The following RPS6KA5 variants were observed in gnomAD, a reference collection of about 807,000 sequenced individuals.
The protein encoded by RPS6KA5 is ribosomal protein S6 kinase alpha-5.
A neutral mutation model predicts 85.5 loss-of-function variants in RPS6KA5; 27 were observed. The ratio of observed to expected loss-of-function variants is 0.32; its 90% CI spans 0.23 to 0.44. The LOEUF (loss-of-function observed/expected upper bound fraction) is 0.44. Ranked by LOEUF, RPS6KA5 falls within the 20% of genes least tolerant of loss-of-function variation. The pLI, the probability that RPS6KA5 is intolerant of heterozygous loss-of-function variation, is 1.00. For synonymous variants in RPS6KA5, 334 were observed against 348.2 expected (o/e 0.96, Z 0.46); for missense variants, 811 against 980.9 (o/e 0.83, Z 2.31).
chr14:91,041,698 G>A (rs1162659765), intron 1 of RPS6KA5, among the ~76,000 whole-genome samples: 7 of 151,944 alleles, frequency 4.6e-5, no homozygotes, highest in East Asian at 3.8e-4. Context: ...GCCTCAAACC[G>A]TGTCTCTGGA....
intron 1 of RPS6KA5, among the ~76,000 whole-genome samples, chr14:91,016,633 C>A (rs2041508990): frequency 6.6e-6 from 1 of 151,930 alleles, no homozygotes; most frequent in African/African-American, 2.4e-5. Context: ...AGGCAGACTC[C>A]CTCGATAAAG....
chr14:90,929,636 C>T (rs761657505), intron 5 of RPS6KA5, among the ~76,000 whole-genome samples: 131 of 152,234 alleles, frequency 8.6e-4, no homozygotes, highest in Middle Eastern at 3.4e-3. Context: ...TGAACATTCA[C>T]TGATGCAAAT....
Position 90,906,168 on chromosome 14 carries a change from T to G in RPS6KA5, c.938A>C (p.Lys313Thr), listed in dbSNP as rs1360775608. Residue 313 changes from lysine (K) to threonine (T), a missense_variant, in exon 8 of 17, where the codon AAA becomes ACA. Physicochemically the swap from Lys to Thr is moderately conservative, Grantham distance 78 (BLOSUM62 -1). Coordinates refer to ENST00000614987, the MANE Select transcript of RPS6KA5 (RefSeq NM_004755.4). ...GCGPRDADEI[K>T]EHLFFQKINW... ...TTTCACCTGAAAGAAGAGATGTTCT[T>G]TGATTTCATCTGCATCACGTGGACC... 26 of 1,604,450 alleles carry G rather than the reference T, an allele frequency of 1.6e-5. No homozygotes were observed. The highest frequency in any genetic ancestry group is 2.0e-5 in the Non-Finnish European group (24 of 1,173,070).
chr14:90,873,726 T>A lies in RPS6KA5; in HGVS notation c.2066A>T (p.Asp689Val). The change falls in exon 16 of 17, where the codon GAT becomes GTT. Residue 689 changes from aspartate to valine, a missense_variant. Coordinates refer to ENST00000614987, the MANE Select transcript of RPS6KA5 (RefSeq NM_004755.4). ...SGLRYNEWLQ[D>V]GSQLSSNPLM... is the part of the protein sequence containing the mutation. ...AGGATTGGAGGACAGCTGACTTCCA[T>A]CTTGTAGCCATTCATTGTACCTCAA... 6.2e-7 allele frequency: 1 copy of A among 1,614,072 alleles called. No homozygotes were observed. Among genetic ancestry groups the A allele is most frequent in the Non-Finnish European group, 8.5e-7 (1 of 1,179,940 alleles).
At chr14:90,983,819 C>CTCTCTG (rs2081966322) in intron 2 of RPS6KA5, among the ~76,000 whole-genome samples, 4 of 118,766 alleles carry the variant, frequency 3.4e-5, no homozygotes, top group Non-Finnish European at 6.9e-5. Flanking sequence ...CTCTCTCTGT[C>CTCTCTG]TCTCTCTCTC....
Position 90,850,463 on chromosome 14 carries a change from C to A in RPS6KA5, c.*21611G>T, listed in dbSNP as rs1338370420. The A allele has an allele frequency of 3.2e-4, 41 of 128,986 alleles. No individual in the cohort carries two copies. The highest frequency in any genetic ancestry group is 1.7e-3 in the East Asian group (7 of 4,238). 8.0% of individuals were successfully genotyped at this position (128,986 alleles called of 1,614,324 possible). A position where few individuals can be genotyped will look rare whatever the true frequency, so the allele number is the denominator to read the frequency against. On this transcript the variant is annotated 3_prime_UTR_variant, in exon 17 of 17. Coordinates refer to ENST00000614987, the MANE Select transcript of RPS6KA5 (RefSeq NM_004755.4). ...AACCTAATCAATGTGGGAAACCATACAAAAAAAAAAAAAAAAAACAGAAAA... is the reference window on the plus strand; with the variant it reads ...AACCTAATCAATGTGGGAAACCATAAAAAAAAAAAAAAAAAAAACAGAAAA...
chr14:90,932,669 G>C (rs938328172), intron 5 of RPS6KA5, among the ~76,000 whole-genome samples: 1 of 152,160 alleles, frequency 6.6e-6, no homozygotes, highest in African/African-American at 2.4e-5. Context: ...TGTGTGCCTA[G>C]TAACTCAACT....
At chr14:90,911,901 G>T (rs1001917053) in intron 7 of RPS6KA5, among the ~76,000 whole-genome samples, 2 of 151,970 alleles carry the variant, frequency 1.3e-5, no homozygotes, top group Non-Finnish European at 2.9e-5. Flanking sequence ...AATGAGTTTC[G>T]CTTACAAGAT....
chr14:91,025,713 C>G (rs1174804758), intron 1 of RPS6KA5, among the ~76,000 whole-genome samples: 3 of 150,966 alleles, frequency 2.0e-5, no homozygotes, highest in Admixed American at 1.3e-4. Context: ...CCAGGTTGGT[C>G]TGAGAGTCTC....
chr14:90,958,533 C>A (rs928430162), intron 3 of RPS6KA5, among the ~76,000 whole-genome samples: 1 of 152,098 alleles, frequency 6.6e-6, no homozygotes, highest in Admixed American at 6.6e-5. Context: ...TCAGAAAGTC[C>A]AAAAATCTTA....
intron 7 of RPS6KA5, among the ~76,000 whole-genome samples, chr14:90,913,369 G>C (rs1342450157): frequency 6.6e-6 from 1 of 152,176 alleles, no homozygotes; most frequent in African/African-American, 2.4e-5. Context: ...AACCAAAGAT[G>C]AATGCATGAT....
chr14:90,962,775 T>C (rs141659479), intron 3 of RPS6KA5, among the ~76,000 whole-genome samples: 23 of 152,322 alleles, frequency 1.5e-4, no homozygotes, highest in African/African-American at 5.3e-4. Flanking sequence ...TCACTAATTG[T>C]TTACATTTTG....
intron 3 of RPS6KA5, among the ~76,000 whole-genome samples, chr14:90,949,505 T>C (rs992863547): frequency 6.6e-6 from 1 of 152,256 alleles, no homozygotes; most frequent in Non-Finnish European, 1.5e-5. Flanking sequence ...TAGATATTTA[T>C]GGTATTAACA....
At chr14:91,017,490 T>A (rs966343280) in intron 1 of RPS6KA5, among the ~76,000 whole-genome samples, 1 of 152,214 alleles carries the variant, frequency 6.6e-6, no homozygotes, top group Non-Finnish European at 1.5e-5. Context: ...TACCATGTTC[T>A]CCACCATCCT....
chr14:91,042,032 GCTTA>G (rs2042627395), intron 1 of RPS6KA5, among the ~76,000 whole-genome samples: 1 of 152,158 alleles, frequency 6.6e-6, no homozygotes, highest in African/African-American at 2.4e-5. Context: ...AGAACATTAA[GCTTA>G]CTAAGAATTC....
chr14:90,949,580 A>G (rs2038063690), intron 3 of RPS6KA5, among the ~76,000 whole-genome samples: 8 of 152,248 alleles, frequency 5.3e-5, no homozygotes, highest in Admixed American at 5.2e-4. Context: ...AACCACTCTG[A>G]AACTTAAGAG....
intron 13 of RPS6KA5, 170 bp downstream of exon 13, chr14:90,894,243 G>A: frequency 8.1e-7 from 1 of 1,241,622 alleles, no homozygotes; most frequent in Non-Finnish European, 1.0e-6. Flanking sequence ...ATTTATTTTA[G>A]ACTGAAATAT....
intron 12 of RPS6KA5, among the ~76,000 whole-genome samples, chr14:90,898,539 G>A (rs2034973093): frequency 6.6e-6 from 1 of 152,244 alleles, no homozygotes; most frequent in African/African-American, 2.4e-5. Flanking sequence ...GACATGCTAT[G>A]TGACCTTAGA....
chr14:91,033,366 C>T (rs531011919), intron 1 of RPS6KA5, among the ~76,000 whole-genome samples: 3 of 152,048 alleles, frequency 2.0e-5, no homozygotes, highest in South Asian at 2.1e-4. Context: ...TGGCTCAGGC[C>T]GAGGTGGGCA....
Sources: gnomAD v4.1 joint callset for allele counts (sites outside exome capture counted in the v4.1 genomes callset) on GRCh38, gnomAD v4.1.1 for gene constraint, MANE v1.5 for transcripts, NCBI Gene and HGNC (gene_info 2026-07-23, HGNC 2026-07-21) for gene names.